The following RBPJ variants were observed in gnomAD, a reference collection of about 807,000 sequenced individuals.
The protein encoded by RBPJ is recombining binding protein suppressor of hairless.
RBPJ carries 9 observed loss-of-function variants against 67.8 expected under a neutral mutation model. The observed-to-expected ratio is 0.13, with a 90% CI of 0.08 to 0.23. RBPJ has a LOEUF of 0.23. RBPJ is among the 10% of genes least tolerant of loss of function. RBPJ has a pLI of 1.00. For synonymous variants in RBPJ, 198 were observed against 203.3 expected, an observed-to-expected ratio of 0.97 and a Z score of 0.22; for missense variants, 305 against 595.6, an observed-to-expected ratio of 0.51 and a Z score of 5.08.
At chr4:26,360,900 G>A (rs1022083623) in intron 1 of RBPJ, among the ~76,000 whole-genome samples, 1 of 150,968 alleles carries the variant, frequency 6.6e-6, no homozygotes, top group Non-Finnish European at 1.5e-5. Flanking sequence ...GTGAGCCACC[G>A]CTCCCGGCCT....
chr4:26,175,353 C>A (rs1299853256), intron 1 of RBPJ, among the ~76,000 whole-genome samples: 1 of 151,964 alleles, frequency 6.6e-6, no homozygotes, highest in African/African-American at 2.4e-5. Flanking sequence ...CCACCTCCAC[C>A]CTACAAGCTG....
rs536584786 is a variant in RBPJ, at chr4:26,194,452, G to A, written c.-167+30838G>A. 4.3e-4 allele frequency among the ~76,000 whole-genome samples: 66 copies of A among 152,338 alleles called. 1 individual carries two copies. Among genetic ancestry groups the A allele is most frequent in the African/African-American group, 1.6e-3 (65 of 41,570 alleles). On this transcript the variant is annotated intron_variant, in intron 1 of 4. Coordinates refer to the RBPJ transcript ENST00000512351. ...GCACTTGCAGCATGCCAGGCACTGT[G>A]CTAAGCACTTTAATAATCTTGTGCC...
At chr4:26,363,579 CA>C (rs1728302368) in intron 1 of RBPJ, among the ~76,000 whole-genome samples, 1 of 152,096 alleles carries the variant, frequency 6.6e-6, no homozygotes, top group Non-Finnish European at 1.5e-5. Context: ...GCTGGGACTA[CA>C]GGTGCCCGCC....
intron 1 of RBPJ, among the ~76,000 whole-genome samples, chr4:26,211,012 A>G (rs1301487002): frequency 6.6e-6 from 1 of 152,056 alleles, no homozygotes. Context: ...TTTCCCACAG[A>G]GCCCCTGTGC....
chr4:26,135,966 T>C, the RBPJ span, among the ~76,000 whole-genome samples: 1 of 152,162 alleles, frequency 6.6e-6, no homozygotes, highest in African/African-American at 2.4e-5. Flanking sequence ...AGAGGTCTAG[T>C]TGACTCACAT....
intron 1 of RBPJ, among the ~76,000 whole-genome samples, chr4:26,275,574 A>T (rs1461875006): frequency 1.3e-5 from 2 of 152,230 alleles, no homozygotes; most frequent in East Asian, 3.9e-4. Flanking sequence ...GGAAAGAGGT[A>T]TCTTGACATA....
intron 1 of RBPJ, among the ~76,000 whole-genome samples, chr4:26,303,964 A>C (rs1722157055): frequency 6.6e-6 from 1 of 152,206 alleles, no homozygotes; most frequent in African/African-American, 2.4e-5. Flanking sequence ...GCAGCCACCA[A>C]CACAATCAAC....
rs370813635 is a variant in RBPJ at position 26,386,337 on chromosome 4, A to C, written c.21-16A>C. 1 of 1,431,604 alleles carries C rather than the reference A, an allele frequency of 7.0e-7. No individual in the cohort carries two copies. Among genetic ancestry groups the C allele is most frequent in the Non-Finnish European group, 9.6e-7 (1 of 1,044,124 alleles). The allele number at this position is 1,431,604 out of a possible 1,614,324, so 88.7% of individuals were successfully genotyped here. A position where few individuals can be genotyped will look rare whatever the true frequency, so the allele number is the denominator to read the frequency against. ...AAGCTTACTTAACTTTATTTTCTTT[A>C]TTTTTTTTTTTCCAGGAAATTTGGT... On this transcript the variant is annotated splice_polypyrimidine_tract_variant and intron_variant, in intron 1 of 10. Transcript: ENST00000355476.
At chr4:26,420,182 G>A (rs570754416) in intron 4 of RBPJ, among the ~76,000 whole-genome samples, 2 of 150,026 alleles carry the variant, frequency 1.3e-5, no homozygotes, top group Non-Finnish European at 3.0e-5. Context: ...TTTTTTTTTG[G>A]AGAAAGTCAT....
intron 1 of RBPJ, among the ~76,000 whole-genome samples, chr4:26,165,975 T>A (rs1336076022): frequency 6.6e-6 from 1 of 151,670 alleles, no homozygotes; most frequent in Non-Finnish European, 1.5e-5. Context: ...TGTTTGGTTT[T>A]TTTGTCCTTG....
At chr4:26,120,652 G>A in the RBPJ span, among the ~76,000 whole-genome samples, 1 of 136,724 alleles carries the variant, frequency 7.3e-6, no homozygotes, top group African/African-American at 2.8e-5. Flanking sequence ...CTCATCTCAT[G>A]TTTCCTAATA....
At chr4:26,230,199 A>AT (rs1345714945) in intron 1 of RBPJ, among the ~76,000 whole-genome samples, 4 of 152,002 alleles carry the variant, frequency 2.6e-5, no homozygotes, top group African/African-American at 9.7e-5. Context: ...TAAAAAAAAA[A>AT]AAAAAGTCAT....
chr4:26,376,070 C>G (rs1729699511), intron 1 of RBPJ, among the ~76,000 whole-genome samples: 1 of 152,160 alleles, frequency 6.6e-6, no homozygotes, highest in South Asian at 2.1e-4. Context: ...AGTTATCCCT[C>G]TCTAAGCCAT....
chr4:26,154,490 T>C, the RBPJ span, among the ~76,000 whole-genome samples: 2 of 152,156 alleles, frequency 1.3e-5, no homozygotes, highest in Non-Finnish European at 2.9e-5. Flanking sequence ...GCTCCTAACC[T>C]CCCTATCCCT....
chr4:26,423,019 A>T (rs2109814221), intron 5 of RBPJ, among the ~76,000 whole-genome samples: 1 of 152,354 alleles, frequency 6.6e-6, no homozygotes, highest in Non-Finnish European at 1.5e-5. Context: ...AAGTAAGTTG[A>T]AACATTTAGT....
chr4:26,393,999 T>C (rs1312852034), intron 2 of RBPJ, among the ~76,000 whole-genome samples: 1 of 151,810 alleles, frequency 6.6e-6, no homozygotes, highest in Non-Finnish European at 1.5e-5. Context: ...GTTAATAATA[T>C]ATACTATTCA....
At chr4:26,228,705 G>T (rs911159528) in intron 1 of RBPJ, among the ~76,000 whole-genome samples, 1 of 152,208 alleles carries the variant, frequency 6.6e-6, no homozygotes, top group African/African-American at 2.4e-5. Context: ...GAATTCTCCC[G>T]TAGGGGATAA....
intron 1 of RBPJ, among the ~76,000 whole-genome samples, chr4:26,278,380 G>A (rs1193389067): frequency 1.3e-5 from 2 of 152,164 alleles, no homozygotes; most frequent in Admixed American, 6.5e-5. Flanking sequence ...AATCTGGAAT[G>A]TTGCAATGAA....
intron 3 of RBPJ, among the ~76,000 whole-genome samples, chr4:26,410,992 G>T (rs1043399886): frequency 1.3e-5 from 2 of 152,242 alleles, no homozygotes; most frequent in Admixed American, 1.3e-4. Flanking sequence ...TTTTATAGCA[G>T]CAGTTAAATT....
Sources: gnomAD v4.1 joint callset for allele counts (sites outside exome capture counted in the v4.1 genomes callset) on GRCh38, gnomAD v4.1.1 for gene constraint, MANE v1.5 for transcripts, NCBI Gene and HGNC (gene_info 2026-07-23, HGNC 2026-07-21) for gene names.